Variants in SHCBP1 observed in about 807,000 individuals in gnomAD.
SHCBP1 encodes SHC SH2 domain-binding protein 1.
SHCBP1 carries 60 observed loss-of-function variants against 75.1 expected under a neutral mutation model. The ratio of observed to expected loss-of-function variants is 0.80; its 90% CI spans 0.65 to 0.99. The LOEUF (loss-of-function observed/expected upper bound fraction) is 0.99, where lower values mean the gene tolerates loss of function less well. Among genes scored for constraint, SHCBP1 ranks in the 50% least tolerant of loss-of-function variants. The pLI is 0.00. For synonymous variants in SHCBP1, 290 were observed against 293.2 expected, an observed-to-expected ratio of 0.99 and a Z score of 0.11; for missense variants, 709 against 809.4, an observed-to-expected ratio of 0.88 and a Z score of 1.50.
intron 5 of SHCBP1, among the ~76,000 whole-genome samples, chr16:46,605,618 A>T (rs1965314646): frequency 6.6e-6 from 1 of 152,154 alleles, no homozygotes; most frequent in African/African-American, 2.4e-5. Context: ...ACAAACAAAC[A>T]GATGCTCAGG....
At chr16:46,588,312 C>G (rs1964984987) in intron 10 of SHCBP1, among the ~76,000 whole-genome samples, 1 of 152,054 alleles carries the variant, frequency 6.6e-6, no homozygotes, top group African/African-American at 2.4e-5. Context: ...CAAGAAATCA[C>G]TAAGATCAGA....
intron 5 of SHCBP1, among the ~76,000 whole-genome samples, chr16:46,605,948 C>CT (rs1243668329): frequency 7.1e-6 from 1 of 140,908 alleles, no homozygotes; most frequent in African/African-American, 2.6e-5. Flanking sequence ...CCGAAAGAAA[C>CT]TGAGTGAACA....
chr16:46,587,290 TATGAAGAGATATTCTCAAAAACAA>T (rs1181360429), intron 10 of SHCBP1, among the ~76,000 whole-genome samples: 1 of 152,040 alleles, frequency 6.6e-6, no homozygotes, highest in African/African-American at 2.4e-5. Flanking sequence ...AAAAAAGTTA[TATGAAGAGATATTCTCAAAAACAA>T]ATGAAATTCT....
intron 4 of SHCBP1, among the ~76,000 whole-genome samples, chr16:46,613,982 T>C (rs1358370597): frequency 6.6e-6 from 1 of 152,262 alleles, no homozygotes; most frequent in Non-Finnish European, 1.5e-5. Flanking sequence ...GATACTTATT[T>C]TTCCACGAAC....
intron 9 of SHCBP1, among the ~76,000 whole-genome samples, chr16:46,596,530 C>T (rs1438727762): frequency 6.6e-6 from 1 of 151,766 alleles, no homozygotes; most frequent in Admixed American, 6.6e-5. Flanking sequence ...GATTCTCCTG[C>T]CTCAGCCTCC....
In SHCBP1 at chr16:46,581,668, G is replaced by T; in HGVS notation, c.*61C>A. 1 of 1,419,566 alleles carries T rather than the reference G, an allele frequency of 7.0e-7. No individual in the cohort carries two copies. Among genetic ancestry groups the T allele is most frequent in the East Asian group, 2.3e-5 (1 of 43,682 alleles). The allele number at this position is 1,419,566 out of a possible 1,614,324, so 87.9% of individuals were successfully genotyped here. A position where few individuals can be genotyped will look rare whatever the true frequency, so the allele number is the denominator to read the frequency against. The stretch of plus-strand genomic sequence containing the variant: ...AATACAGCAAACTACAATGGCAGCA[G>T]TGATTCTTAGGGCAGCATGTGCAAA... On this transcript the variant is annotated 3_prime_UTR_variant, in exon 13 of 13. Transcript: ENST00000303383.
At chr16:46,587,702 C>A (rs1431411431) in intron 10 of SHCBP1, among the ~76,000 whole-genome samples, 1 of 152,092 alleles carries the variant, frequency 6.6e-6, no homozygotes. Context: ...TAGACTCCCA[C>A]ACAATAATAA....
Position 46,582,007 on chromosome 16 carries a change from CA to C in SHCBP1, c.1740del (p.Glu581LysfsTer5), listed in dbSNP as rs1326637025. ...ATCAGCTCTTCTAGATCCACTCTTTCAGCCACATCTGGCTCTCCACTTGTCT... is the reference window on the plus strand; with the variant it reads ...ATCAGCTCTTCTAGATCCACTCTTTCGCCACATCTGGCTCTCCACTTGTCT... The part of the protein sequence containing the change: ...KIQTSGEPDV[A>X]ERVDLEELIE... On this transcript the variant is annotated frameshift_variant, in exon 13 of 13. Coordinates refer to ENST00000303383, the MANE Select transcript of SHCBP1 (RefSeq NM_024745.5). LOFTEE classifies it high-confidence loss of function. 1 of 1,613,976 alleles carries C rather than the reference CA, an allele frequency of 6.2e-7. No individual in the cohort carries two copies. Among genetic ancestry groups the C allele is most frequent in the South Asian group, 1.1e-5 (1 of 91,042 alleles).
rs1187859640 is a variant in SHCBP1 at position 46,580,969 on chromosome 16, G to A, written c.*760C>T. On this transcript the variant is annotated 3_prime_UTR_variant, in exon 13 of 13. Transcript: ENST00000303383. ...TCACTATGTTGCCTAGGCTAGTCTT[G>A]AACTCCTGGGCTCAAGTGATCCTCC... 1 of 151,858 alleles carries A rather than the reference G, an allele frequency of 6.6e-6. No individual in the cohort carries two copies. The highest frequency in any genetic ancestry group is 2.4e-5 in the African/African-American group (1 of 41,254). The allele number at this position is 151,858 out of a possible 1,614,324, so 9.4% of individuals were successfully genotyped here.
intron 4 of SHCBP1, among the ~76,000 whole-genome samples, chr16:46,613,559 C>A (rs79418249): frequency 6.6e-6 from 1 of 152,158 alleles, no homozygotes; most frequent in East Asian, 1.9e-4. Context: ...GCTCCCAAAT[C>A]TTTTCCCTTC....
intron 10 of SHCBP1, among the ~76,000 whole-genome samples, chr16:46,592,644 G>A (rs1174265745): frequency 6.6e-6 from 1 of 151,864 alleles, no homozygotes; most frequent in Non-Finnish European, 1.5e-5. Context: ...CAGTGGCACA[G>A]AAAACCAAAA....
At chr16:46,593,206 A>G (rs1033894286) in intron 10 of SHCBP1, among the ~76,000 whole-genome samples, 2 of 152,022 alleles carry the variant, frequency 1.3e-5, no homozygotes, top group African/African-American at 2.4e-5. Flanking sequence ...TACTCTCTAT[A>G]TAGAAAATCC....
At chr16:46,596,755 C>G (rs554933848) in intron 9 of SHCBP1, among the ~76,000 whole-genome samples, 6 of 148,536 alleles carry the variant, frequency 4.0e-5, no homozygotes, top group East Asian at 2.0e-4. Context: ...GGAGACGGAG[C>G]CTTGCTCTGT....
At chr16:46,610,557 T>TTTTTTTTTTTTTTTTTTTTTTTTTC in intron 4 of SHCBP1, among the ~76,000 whole-genome samples, 1 of 114,776 alleles carries the variant, frequency 8.7e-6, no homozygotes, top group African/African-American at 3.3e-5. Flanking sequence ...TTTTTTTTTT[T>TTTTTTTTTTTTTTTTTTTTTTTTTC]TTTTTTTTTT....
intron 10 of SHCBP1, among the ~76,000 whole-genome samples, chr16:46,590,234 A>T (rs879490508): frequency 6.6e-6 from 1 of 152,226 alleles, no homozygotes; most frequent in Non-Finnish European, 1.5e-5. Context: ...AATCTAGGCA[A>T]TACCATTCAG....
intron 4 of SHCBP1, among the ~76,000 whole-genome samples, chr16:46,611,425 C>A (rs1017142353): frequency 5.9e-5 from 9 of 152,234 alleles, no homozygotes; most frequent in Admixed American, 4.6e-4. Context: ...GGAGGTGCTC[C>A]TTATAATTTC....
intron 9 of SHCBP1, among the ~76,000 whole-genome samples, chr16:46,597,011 A>C (rs1965154919): frequency 1.3e-5 from 2 of 152,064 alleles, no homozygotes; most frequent in Admixed American, 1.3e-4. Flanking sequence ...TGCAGGCGTG[A>C]GCCACCACGC....
chr16:46,609,899 A>T (rs976273867), intron 4 of SHCBP1, among the ~76,000 whole-genome samples: 2 of 151,638 alleles, frequency 1.3e-5, no homozygotes, highest in Non-Finnish European at 2.9e-5. Context: ...GTCTTATTTC[A>T]TCTCTGCCTC....
intron 10 of SHCBP1, among the ~76,000 whole-genome samples, chr16:46,592,169 A>G (rs1200903446): frequency 6.6e-6 from 1 of 152,098 alleles, no homozygotes; most frequent in Non-Finnish European, 1.5e-5. Flanking sequence ...TGAAAACAGA[A>G]CAATTATCAA....
Sources: gnomAD v4.1 joint callset for allele counts (sites outside exome capture counted in the v4.1 genomes callset) on GRCh38, gnomAD v4.1.1 for gene constraint, MANE v1.5 for transcripts, NCBI Gene and HGNC (gene_info 2026-07-23, HGNC 2026-07-21) for gene names.